SYNPO2: variants seen among roughly 807,000 people sequenced by gnomAD.
The protein encoded by SYNPO2 is synaptopodin-2.
In SYNPO2, 56 loss-of-function variants were observed where a neutral mutation model predicts 85.0. The observed-to-expected ratio is 0.66, with a 90% CI of 0.53 to 0.82. SYNPO2 has a LOEUF of 0.82. Ranked by LOEUF, SYNPO2 falls within the 40% of genes least tolerant of loss-of-function variation. The probability of loss-of-function intolerance (pLI) is 0.00; values close to 1 mark genes in which losing one functional copy is unlikely to be tolerated. For missense variants in SYNPO2, 1,575 were observed against 1,534.2 expected (o/e 1.03, Z -0.44); for synonymous variants, 602 against 591.1 (o/e 1.02, Z -0.27).
intron 1 of SYNPO2, among the ~76,000 whole-genome samples, chr4:119,022,735 A>ATG (rs1737783125): frequency 7.0e-6 from 1 of 142,452 alleles, no homozygotes. Context: ...ATTTTATTTT[A>ATG]TTTTATGTTT....
intron 1 of SYNPO2, among the ~76,000 whole-genome samples, chr4:118,896,213 A>C (rs959684607): frequency 6.6e-6 from 1 of 152,184 alleles, no homozygotes; most frequent in Non-Finnish European, 1.5e-5. Flanking sequence ...AATCTCACTA[A>C]ATCTAACCTT....
At chr4:118,977,017 G>A (rs945563419) in intron 1 of SYNPO2, among the ~76,000 whole-genome samples, 1 of 152,232 alleles carries the variant, frequency 6.6e-6, no homozygotes, top group African/African-American at 2.4e-5. Flanking sequence ...GGCTGCAGCT[G>A]GAGCTGCCTG....
intron 1 of SYNPO2, among the ~76,000 whole-genome samples, chr4:118,852,031 A>T (rs1731428794): frequency 6.6e-6 from 1 of 152,212 alleles, no homozygotes; most frequent in African/African-American, 2.4e-5. Context: ...ATTAAAATTC[A>T]TTGGTCTATC....
At chr4:118,879,877 C>G (rs1210829612) in intron 1 of SYNPO2, among the ~76,000 whole-genome samples, 1 of 152,044 alleles carries the variant, frequency 6.6e-6, no homozygotes, top group Non-Finnish European at 1.5e-5. Context: ...CCCTCCGAGA[C>G]CCTGCAACCG....
chr4:118,995,388 G>T (rs1736550263), intron 1 of SYNPO2, among the ~76,000 whole-genome samples: 1 of 152,072 alleles, frequency 6.6e-6, no homozygotes, highest in Non-Finnish European at 1.5e-5. Context: ...ACTATTTATT[G>T]TATACCTATC....
At chr4:119,033,070 A>G (rs1421845162) in intron 4 of SYNPO2, 1 of 985,358 alleles carries the variant, frequency 1.0e-6, no homozygotes, top group Non-Finnish European at 1.2e-6. Flanking sequence ...GGCAGGACGC[A>G]CATAAAGGTG....
chr4:118,943,462 G>A (rs1734389996), intron 1 of SYNPO2, among the ~76,000 whole-genome samples: 1 of 152,310 alleles, frequency 6.6e-6, no homozygotes, highest in South Asian at 2.1e-4. Context: ...ATTAACATAA[G>A]TGATGTGGGG....
rs1196298326 is a variant in SYNPO2, at chr4:119,058,261, C to T, written c.*327C>T. On this transcript the variant is annotated 3_prime_UTR_variant, in exon 5 of 5. Coordinates refer to ENST00000307142, the MANE Select transcript of SYNPO2 (RefSeq NM_133477.3). The stretch of plus-strand genomic sequence containing the variant: ...TGATTCCATTAATAGGTAGTCTATG[C>T]AACAAACTCTACTCAATTAAAGTAA... 1 of 173,112 alleles carries T rather than the reference C, an allele frequency of 5.8e-6. No individual in the cohort carries two copies. The highest frequency in any genetic ancestry group is 1.2e-5 in the Non-Finnish European group (1 of 86,824). 10.7% of individuals were successfully genotyped at this position (173,112 alleles called of 1,614,324 possible).
chr4:118,979,365 G>T (rs1177692281), intron 1 of SYNPO2, among the ~76,000 whole-genome samples: 3 of 152,164 alleles, frequency 2.0e-5, no homozygotes, highest in African/African-American at 7.2e-5. Context: ...ATGCTGTAAG[G>T]CCGGGTCTCA....
At chr4:118,897,913 C>A (rs1732600557) in intron 1 of SYNPO2, among the ~76,000 whole-genome samples, 1 of 152,142 alleles carries the variant, frequency 6.6e-6, no homozygotes, top group South Asian at 2.1e-4. Context: ...ACCAAACCTG[C>A]TTTTCTTGTT....
At chr4:118,958,994 C>T (rs187565843) in intron 1 of SYNPO2, among the ~76,000 whole-genome samples, 205 of 152,244 alleles carry the variant, frequency 1.3e-3, no homozygotes, top group African/African-American at 4.7e-3. Context: ...AGACAGATGA[C>T]ATTTTGACCC....
At chr4:118,950,567 G>T (rs1169358425) in intron 1 of SYNPO2, among the ~76,000 whole-genome samples, 2 of 152,180 alleles carry the variant, frequency 1.3e-5, no homozygotes, top group South Asian at 2.1e-4. Flanking sequence ...CAACTGTCTG[G>T]TACCTGGTGC....
At chr4:118,888,800 T>A, upstream of SYNPO2, 1 of 541,060 alleles carries the variant, frequency 1.8e-6, no homozygotes, top group Non-Finnish European at 3.3e-6. Context: ...AAGAGTGGGC[T>A]GTGTCCTGGA....
At chr4:118,915,190 A>G (rs1417035492) in intron 1 of SYNPO2, among the ~76,000 whole-genome samples, 1 of 152,038 alleles carries the variant, frequency 6.6e-6, no homozygotes, top group Non-Finnish European at 1.5e-5. Context: ...TTCTTAAATT[A>G]TTTCTAATAA....
chr4:118,978,954 G>A (rs866534916), intron 1 of SYNPO2, among the ~76,000 whole-genome samples: 4 of 152,130 alleles, frequency 2.6e-5, no homozygotes, highest in South Asian at 2.1e-4. Context: ...ACACTGGCCC[G>A]CACACATAGC....
chr4:118,975,168 C>T (rs1292552285), intron 1 of SYNPO2, among the ~76,000 whole-genome samples: 1 of 152,174 alleles, frequency 6.6e-6, no homozygotes, highest in Non-Finnish European at 1.5e-5. Flanking sequence ...ACTGTTCTGT[C>T]ATACTTATCT....
intron 4 of SYNPO2, among the ~76,000 whole-genome samples, chr4:119,053,048 G>A (rs1739100652): frequency 6.6e-6 from 1 of 152,144 alleles, no homozygotes; most frequent in African/African-American, 2.4e-5. Context: ...TGCTATGCTA[G>A]GATTCCAGCG....
At chr4:119,057,329 A>C in intron 4 of SYNPO2, 72 bp from the exon 5 acceptor site, 1 of 1,415,240 alleles carries the variant, frequency 7.1e-7, no homozygotes, top group South Asian at 1.5e-5. Context: ...TAATGGTGCT[A>C]GGAATACTTT....
At chr4:119,015,021 T>G (rs536369559) in intron 1 of SYNPO2, among the ~76,000 whole-genome samples, 1 of 152,358 alleles carries the variant, frequency 6.6e-6, no homozygotes, top group Non-Finnish European at 1.5e-5. Context: ...ATTTATAAAT[T>G]TGTACAGTTG....
Sources: allele counts gnomAD v4.1 joint callset (sites outside exome capture counted in the v4.1 genomes callset), GRCh38; gene constraint gnomAD v4.1.1; transcripts MANE v1.5; gene names NCBI Gene and HGNC (gene_info 2026-07-23, HGNC 2026-07-21).